Variants in DCUN1D4 observed in about 807,000 individuals in gnomAD.
DCUN1D4 encodes defective in cullin neddylation 1 domain containing 4, also known as DCN1-like protein 4.
Under a neutral mutation model 47.9 loss-of-function variants are expected in DCUN1D4, and 22 were observed. The observed-to-expected ratio is 0.46, with a 90% confidence interval of 0.33 to 0.66. The LOEUF (loss-of-function observed/expected upper bound fraction) is 0.66, where lower values mean the gene tolerates loss of function less well. Among genes scored for constraint, DCUN1D4 ranks in the 30% least tolerant of loss-of-function variants. The pLI, the probability that DCUN1D4 is intolerant of heterozygous loss-of-function variation, is 0.02. For synonymous variants in DCUN1D4, 121 were observed against 112.2 expected, an observed-to-expected ratio of 1.08 and a Z score of -0.50; for missense variants, 301 against 340.8, an observed-to-expected ratio of 0.88 and a Z score of 0.92.
At chr4:51,864,850 G>A (rs1725650634) in intron 3 of DCUN1D4, among the ~76,000 whole-genome samples, 1 of 152,172 alleles carries the variant, frequency 6.6e-6, no homozygotes, top group African/African-American at 2.4e-5. Context: ...TAGCACAAAA[G>A]TAAATAGAGT....
At chr4:51,835,114 G>C in the DCUN1D4 span, among the ~76,000 whole-genome samples, 1 of 152,232 alleles carries the variant, frequency 6.6e-6, no homozygotes, top group African/African-American at 2.4e-5. Context: ...TTTGGAATCT[G>C]TGTTGGGGAT....
chr4:51,843,504 T>G (rs1258448598), intron 1 of DCUN1D4: 104 of 1,077,078 alleles, frequency 9.7e-5, no homozygotes, highest in Admixed American at 5.7e-4. Flanking sequence ...GTGAGGGGGG[T>G]GGGGACTGGC....
chr4:51,855,041 A>C (rs1035722345), intron 1 of DCUN1D4, among the ~76,000 whole-genome samples: 6 of 152,208 alleles, frequency 3.9e-5, no homozygotes, highest in African/African-American at 1.4e-4. Flanking sequence ...ATATTGGGAT[A>C]GAGTAGTGAA....
At chr4:51,858,157 A>G (rs1273878887) in intron 1 of DCUN1D4, among the ~76,000 whole-genome samples, 1 of 152,234 alleles carries the variant, frequency 6.6e-6, no homozygotes, top group African/African-American at 2.4e-5. Context: ...ATAATTGTAT[A>G]TATTTACGGA....
At chr4:51,841,839 G>C (rs557808818), upstream of DCUN1D4, among the ~76,000 whole-genome samples, 1 of 152,014 alleles carries the variant, frequency 6.6e-6, no homozygotes, top group African/African-American at 2.4e-5. Flanking sequence ...CAAAAAGACC[G>C]TGCGTTCTGT....
At chr4:51,890,086 A>G (rs140076177) in intron 6 of DCUN1D4, among the ~76,000 whole-genome samples, 1 of 58,172 alleles carries the variant, frequency 1.7e-5, no homozygotes, top group Non-Finnish European at 2.8e-5. Flanking sequence ...CTTCTCCTTA[A>G]CTCCCCTGCA....
intron 8 of DCUN1D4, among the ~76,000 whole-genome samples, chr4:51,904,791 A>AT (rs1312557414): frequency 2.0e-5 from 3 of 151,868 alleles, no homozygotes; most frequent in Non-Finnish European, 4.4e-5. Flanking sequence ...CTCAAACCTC[A>AT]TTTTTTCCCC....
chr4:51,910,503 AGATGAATCTATCCTCT>A (rs1291633042), intron 8 of DCUN1D4, among the ~76,000 whole-genome samples: 1 of 152,188 alleles, frequency 6.6e-6, no homozygotes, highest in Non-Finnish European at 1.5e-5. Context: ...CAGAGTGGGT[AGATGAATCTATCCTCT>A]GATTTAGAGA....
chr4:51,904,907 A>G (rs1467092035), intron 8 of DCUN1D4, among the ~76,000 whole-genome samples: 1 of 152,228 alleles, frequency 6.6e-6, no homozygotes, highest in Non-Finnish European at 1.5e-5. Context: ...ATTGAGCTTT[A>G]TGATATAATT....
chr4:51,875,133 T>G (rs1466474453), intron 4 of DCUN1D4: 1 of 152,220 alleles, frequency 6.6e-6, no homozygotes, highest in Non-Finnish European at 1.5e-5. Context: ...ATTTTTCTGT[T>G]TCTTTCTTGC....
chr4:51,844,782 C>G (rs1722247728), intron 1 of DCUN1D4: 2 of 969,824 alleles, frequency 2.1e-6, no homozygotes, highest in African/African-American at 3.5e-5. Flanking sequence ...AATTCTGGGA[C>G]TTGTAGTCGC....
At chr4:51,851,746 T>A (rs930919599) in intron 1 of DCUN1D4, among the ~76,000 whole-genome samples, 1 of 152,182 alleles carries the variant, frequency 6.6e-6, no homozygotes, top group Admixed American at 6.5e-5. Flanking sequence ...TTCAACTGCT[T>A]TGCCTGCATT....
At chr4:51,885,022 T>C (rs1203255310) in intron 5 of DCUN1D4, 1 of 152,194 alleles carries the variant, frequency 6.6e-6, no homozygotes, top group African/African-American at 2.4e-5. Flanking sequence ...ATTCATTTAC[T>C]TCTGAGAAAC....
Position 51,891,795 on chromosome 4 carries a change from A to G in DCUN1D4, c.450A>G (p.Ala150=), listed in dbSNP as rs774652449. 4.3e-6 allele frequency: 7 copies of G among 1,613,118 alleles called. 1 individual carries two copies. The South Asian group carries it at 5.5e-5, about 13-fold the overall frequency. The part of the protein sequence containing the change: ...VMLVLAWKLD[A]QNMGYFTLQE... ...TTGTCCTAGCTTGGAAATTGGATGCACAAAACATGGGTTATTTTACTCTAC... is the reference window on the plus strand; with the variant it reads ...TTGTCCTAGCTTGGAAATTGGATGCGCAAAACATGGGTTATTTTACTCTAC... The change falls in exon 7 of 11, where the codon GCA becomes GCG. Residue 150 remains alanine (A), a synonymous_variant. Coordinates refer to ENST00000334635, the MANE Select transcript of DCUN1D4 (RefSeq NM_001040402.3).
intron 1 of DCUN1D4, chr4:51,848,159 A>G (rs1722836071): frequency 7.9e-7 from 1 of 1,271,312 alleles, no homozygotes; most frequent in Admixed American, 2.3e-5. Flanking sequence ...TTTTTTAGAC[A>G]AAGTCAGTTG....
At chr4:51,856,542 A>T (rs1724172590) in intron 1 of DCUN1D4, among the ~76,000 whole-genome samples, 2 of 152,112 alleles carry the variant, frequency 1.3e-5, no homozygotes, top group African/African-American at 4.8e-5. Context: ...CTTTTTTCCT[A>T]TTACAGAGTG....
intron 6 of DCUN1D4, 33 bp from the exon 7 acceptor site, chr4:51,891,727 A>G (rs372183101): frequency 2.7e-6 from 4 of 1,468,188 alleles, no homozygotes; most frequent in Non-Finnish European, 3.7e-6. Context: ...TGTGTAATAT[A>G]TTTTTTTTTA....
At chr4:51,836,164 A>G in the DCUN1D4 span, among the ~76,000 whole-genome samples, 2 of 152,134 alleles carry the variant, frequency 1.3e-5, no homozygotes. Context: ...AAAATAAAAT[A>G]CTTGTTAACT....
At chr4:51,904,130 T>TA (rs1362302273) in intron 8 of DCUN1D4, among the ~76,000 whole-genome samples, 1 of 152,188 alleles carries the variant, frequency 6.6e-6, no homozygotes, top group Non-Finnish European at 1.5e-5. Flanking sequence ...TTGAGTTTGT[T>TA]TGTTTTTTAA....
Sources: allele counts gnomAD v4.1 joint callset (sites outside exome capture counted in the v4.1 genomes callset), GRCh38; gene constraint gnomAD v4.1.1; transcripts MANE v1.5; gene names NCBI Gene and HGNC (gene_info 2026-07-23, HGNC 2026-07-21).